Variants in BLM observed in about 807,000 individuals in gnomAD.
BLM encodes the protein recQ-like DNA helicase BLM.
In BLM, 95 loss-of-function variants were observed where a neutral mutation model predicts 135.3. The ratio of observed to expected loss-of-function variants is 0.70; its 90% CI spans 0.59 to 0.83. The LOEUF (loss-of-function observed/expected upper bound fraction) is 0.83, where lower values mean the gene tolerates loss of function less well. Ranked by LOEUF, BLM falls within the 40% of genes least tolerant of loss-of-function variation. The probability of loss-of-function intolerance (pLI) is 0.00; values close to 1 mark genes in which losing one functional copy is unlikely to be tolerated. For missense variants in BLM, 1,518 were observed against 1,663.9 expected (o/e 0.91, Z 1.53); for synonymous variants, 520 against 589.2 (o/e 0.88, Z 1.70).
Position 90,815,464 on chromosome 15 carries a change from G to C in BLM, c.*185G>C, listed in dbSNP as rs1897538801. ...TAAACATTTTCTTTTGAATAAGCAT[G>C]TTTTGCTGCCGCTGCAAGTGTTGTG... On this transcript the variant is annotated 3_prime_UTR_variant, in exon 22 of 22. Transcript: ENST00000355112. The surrounding 1 kb of genome is among the most constrained non-coding windows in gnomAD (Gnocchi z 4.6). The C allele has an allele frequency of 1.5e-6, 1 of 687,884 alleles. No individual in the cohort carries two copies. The highest frequency in any genetic ancestry group is 1.8e-5 in the African/African-American group (1 of 55,264). 42.6% of individuals were successfully genotyped at this position (687,884 alleles called of 1,614,324 possible).
At chr15:90,768,953 C>T (rs562137848) in intron 10 of BLM, among the ~76,000 whole-genome samples, 180 bp from the exon 11 acceptor site, 7 of 152,200 alleles carry the variant, frequency 4.6e-5, no homozygotes, top group Non-Finnish European at 7.4e-5. Flanking sequence ...CACAAACTCC[C>T]GACCTCGGAT....
intron 14 of BLM, among the ~76,000 whole-genome samples, chr15:90,789,904 C>A (rs954395393): frequency 6.1e-5 from 9 of 147,362 alleles, no homozygotes; most frequent in African/African-American, 2.2e-4. Flanking sequence ...TCCTTGAAAA[C>A]TGATTTATCA....
At chr15:90,729,009 G>A (rs1429083527) in intron 1 of BLM, among the ~76,000 whole-genome samples, 6 of 151,798 alleles carry the variant, frequency 4.0e-5, no homozygotes. Context: ...GTGAGTCCCT[G>A]TCTCTGTTTA....
rs1897533354 is a variant in BLM at position 90,815,264 on chromosome 15, A to G, written c.4239A>G (p.Ser1413=). ...TAAATAGACCGTTTCTTAAGCCTTCATATGCATTCTCATAACAACCGAATC... is the reference window on the plus strand; with the variant it reads ...TAAATAGACCGTTTCTTAAGCCTTCGTATGCATTCTCATAACAACCGAATC... ...KPINRPFLKP[S]YAFS Residue 1413 remains serine (S), a synonymous_variant, in exon 22 of 22, where the codon TCA becomes TCG. Transcript: ENST00000355112. This position sits in a 1 kb window ranked among gnomAD's most constrained non-coding sequence, Gnocchi z 4.6. 6.2e-7 allele frequency: 1 copy of G among 1,614,136 alleles called. No homozygotes were observed. The highest frequency in any genetic ancestry group is 8.5e-7 in the Non-Finnish European group (1 of 1,180,006).
At chr15:90,805,143 ATTC>A (rs1897260780) in intron 19 of BLM, among the ~76,000 whole-genome samples, 1 of 87,056 alleles carries the variant, frequency 1.1e-5, no homozygotes, top group South Asian at 3.7e-4. Context: ...GCCGAAACTT[ATTC>A]TTTTTTTTTT....
intron 14 of BLM, among the ~76,000 whole-genome samples, chr15:90,787,936 C>T (rs1490274905): frequency 7.0e-6 from 1 of 142,524 alleles, no homozygotes; most frequent in Admixed American, 7.0e-5. Flanking sequence ...GGAAACAGAA[C>T]AAGACTCTAT....
intron 2 of BLM, chr15:90,747,803 T>A: frequency 3.1e-6 from 1 of 320,672 alleles, no homozygotes; most frequent in Non-Finnish European, 6.0e-6. Context: ...TTGTTTGTTT[T>A]GTTTTGTTTT....
intron 12 of BLM, among the ~76,000 whole-genome samples, chr15:90,780,320 T>A (rs568002896): frequency 6.6e-6 from 1 of 152,290 alleles, no homozygotes; most frequent in South Asian, 2.1e-4. Context: ...CCAGATCTCA[T>A]GATCTGCCCG....
At chr15:90,773,510 CCTT>C (rs1185818226) in intron 12 of BLM, among the ~76,000 whole-genome samples, 2 of 116,750 alleles carry the variant, frequency 1.7e-5, no homozygotes, top group South Asian at 2.7e-4. Context: ...ACTTCAATGG[CCTT>C]TTTTTTTTTT....
intron 14 of BLM, 84 bp from the exon 15 acceptor site, chr15:90,790,565 T>C (rs1256549142): frequency 5.3e-6 from 7 of 1,317,384 alleles, no homozygotes; most frequent in South Asian, 1.2e-5. Flanking sequence ...AAACAAATGA[T>C]AGAGCTTTTA....
rs1288607643 is a variant in BLM at position 90,813,553 on chromosome 15, TG to T, written c.4077-1546del. On this transcript the variant is annotated intron_variant, in intron 21 of 21. Coordinates refer to ENST00000355112, the MANE Select transcript of BLM (RefSeq NM_000057.4). Reference sequence around the variant, plus strand: ...GGATTATGGGTGCACGCCACCACGCTGGGCTAATTTTTGTATTTTTAGATGG... The same window carrying T: ...GGATTATGGGTGCACGCCACCACGCTGGCTAATTTTTGTATTTTTAGATGG... 1.5e-4 allele frequency among the ~76,000 whole-genome samples: 23 copies of T among 152,228 alleles called. No homozygotes were observed. In the South Asian group the frequency reaches 4.4e-3, roughly 29 times the overall value.
intron 1 of BLM, among the ~76,000 whole-genome samples, chr15:90,728,331 C>G (rs1457376253): frequency 6.6e-6 from 1 of 152,042 alleles, no homozygotes; most frequent in Non-Finnish European, 1.5e-5. Flanking sequence ...CCACTGTGCC[C>G]AGCCCAATTT....
chr15:90,761,288 A>C, intron 7 of BLM, 33 bp downstream of exon 7: 1 of 1,401,598 alleles, frequency 7.1e-7, no homozygotes, highest in Non-Finnish European at 9.5e-7. Context: ...GCTTATATGA[A>C]AACAAAACTG....
chr15:90,753,920 T>G (rs1174925627), intron 4 of BLM, among the ~76,000 whole-genome samples: 1 of 152,252 alleles, frequency 6.6e-6, no homozygotes, highest in Non-Finnish European at 1.5e-5. Context: ...TCATTTTCTT[T>G]AATTATAATG....
intron 19 of BLM, among the ~76,000 whole-genome samples, chr15:90,805,648 TGTG>T (rs1334898000): frequency 1.3e-5 from 2 of 149,224 alleles, no homozygotes. Flanking sequence ...ATCAGCCAGG[TGTG>T]GTGGTGGGTG....
intron 1 of BLM, among the ~76,000 whole-genome samples, chr15:90,738,813 A>C (rs1369120666): frequency 6.6e-6 from 1 of 152,190 alleles, no homozygotes; most frequent in Non-Finnish European, 1.5e-5. Context: ...CCAGAAAATA[A>C]CAAGTGTTGC....
chr15:90,739,193 A>G (rs1480381049), intron 1 of BLM, among the ~76,000 whole-genome samples: 1 of 152,146 alleles, frequency 6.6e-6, no homozygotes, highest in Non-Finnish European at 1.5e-5. Flanking sequence ...CACAGGTTCA[A>G]GACCAGCCTG....
Position 90,769,441 on chromosome 15 carries a change from G to A in BLM, c.2410G>A (p.Gly804Arg). ...IDEAHCVSQWGHDFRQDYKRM... is the reference protein window; with the variant it reads ...IDEAHCVSQWRHDFRQDYKRM... ...CAGTATTTTTTTTTCCAACTAGTGG[G>A]GACATGATTTTCGTCAAGATTACAA... The change falls in exon 12 of 22, where the codon GGA (glycine) becomes AGA (arginine). Residue 804 changes from glycine (G) to arginine (R), a missense_variant. Coordinates refer to ENST00000355112, the MANE Select transcript of BLM (RefSeq NM_000057.4). 1.2e-6 allele frequency: 2 copies of A among 1,614,100 alleles called. No individual in the cohort carries two copies. The highest frequency in any genetic ancestry group is 8.5e-7 in the Non-Finnish European group (1 of 1,180,002).
intron 12 of BLM, among the ~76,000 whole-genome samples, chr15:90,773,022 G>A (rs886795336): frequency 2.0e-5 from 3 of 151,056 alleles, no homozygotes; most frequent in East Asian, 3.9e-4. Flanking sequence ...ACTTGAACCC[G>A]GGAGGCGGAG....
Sources: gnomAD v4.1 joint callset for allele counts (sites outside exome capture counted in the v4.1 genomes callset) on GRCh38, gnomAD v4.1.1 for gene constraint, Gnocchi (gnomAD v3.1) non-coding constraint, MANE v1.5 for transcripts, NCBI Gene and HGNC (gene_info 2026-07-23, HGNC 2026-07-21) for gene names.